Variants in AKAP8L observed in about 807,000 individuals in gnomAD.
AKAP8L encodes the protein A-kinase anchor protein 8-like.
Under a neutral mutation model 77.5 loss-of-function variants are expected in AKAP8L, and 34 were observed. The observed-to-expected ratio is 0.44, with a 90% CI of 0.33 to 0.58. The LOEUF (loss-of-function observed/expected upper bound fraction) is 0.58. Among genes scored for constraint, AKAP8L ranks in the 20% least tolerant of loss-of-function variants. AKAP8L has a pLI of 0.02. For missense variants in AKAP8L, 806 were observed against 887.6 expected (o/e 0.91, Z 1.17); for synonymous variants, 342 against 340.7 (o/e 1.00, Z -0.04).
At chr19:15,390,542 G>C (rs1967639484) in intron 12 of AKAP8L, among the ~76,000 whole-genome samples, 1 of 151,572 alleles carries the variant, frequency 6.6e-6, no homozygotes, top group Admixed American at 6.6e-5. Flanking sequence ...ACTCTTCCAA[G>C]AAACCAGAAA....
In AKAP8L at chr19:15,403,808, T is replaced by C; in HGVS notation, c.122-93A>G. ...GACAAACACAGATACAAGGGTATCT[T>C]CTGTCACAGAGAGAGAAGACCCTAG... On this transcript the variant is annotated intron_variant, in intron 3 of 13. Transcript: ENST00000397410. This position sits in a 1 kb window ranked among gnomAD's most constrained non-coding sequence, Gnocchi z 4.3. The C allele has an allele frequency of 8.6e-7, 1 of 1,161,366 alleles. No individual in the cohort carries two copies. The allele number at this position is 1,161,366 out of a possible 1,614,324, so 71.9% of individuals were successfully genotyped here.
intron 12 of AKAP8L, among the ~76,000 whole-genome samples, chr19:15,387,980 A>AG (rs914244568): frequency 6.9e-6 from 1 of 143,946 alleles, no homozygotes; most frequent in Non-Finnish European, 1.5e-5. Flanking sequence ...CGGGGAGGGG[A>AG]GGGGAAAAAA....
chr19:15,411,718 A>C (rs894665554), intron 1 of AKAP8L, among the ~76,000 whole-genome samples: 2 of 152,144 alleles, frequency 1.3e-5, no homozygotes, highest in African/African-American at 4.8e-5. Flanking sequence ...TATATACATA[A>C]AATTTCCTAT....
At chr19:15,382,532 T>C (rs1967441176) in intron 12 of AKAP8L, among the ~76,000 whole-genome samples, 1 of 152,164 alleles carries the variant, frequency 6.6e-6, no homozygotes, top group Non-Finnish European at 1.5e-5. Flanking sequence ...ACAGATTGAG[T>C]ATCCCTTATT....
intron 1 of AKAP8L, among the ~76,000 whole-genome samples, chr19:15,415,669 A>T (rs138518449): frequency 2.6e-5 from 4 of 152,098 alleles, no homozygotes; most frequent in South Asian, 2.1e-4. Flanking sequence ...GGCGGATCAC[A>T]AGGTCAGGAG....
chr19:15,400,158 G>T, intron 8 of AKAP8L, 137 bp downstream of exon 8: 1 of 847,482 alleles, frequency 1.2e-6, no homozygotes, highest in Non-Finnish European at 1.9e-6. Context: ...AAAGCCCCCT[G>T]CCAGCACACA....
chr19:15,380,473 G>C, intron 13 of AKAP8L, 43 bp from the exon 14 acceptor site: 7 of 1,612,876 alleles, frequency 4.3e-6, no homozygotes, highest in Non-Finnish European at 5.9e-6. Flanking sequence ...GAGCACAGGC[G>C]GGGACTAAGC....
intron 4 of AKAP8L, among the ~76,000 whole-genome samples, chr19:15,402,479 C>T (rs1967919413): frequency 6.6e-6 from 1 of 152,200 alleles, no homozygotes; most frequent in Non-Finnish European, 1.5e-5. Flanking sequence ...ACCCCGATCC[C>T]AGGCTCCAGG....
At chr19:15,383,548 G>A (rs1020437697) in intron 12 of AKAP8L, 1 of 152,174 alleles carries the variant, frequency 6.6e-6, no homozygotes, top group Non-Finnish European at 1.5e-5. Flanking sequence ...CTGGCCCTAA[G>A]GTTTCAGATA....
chr19:15,403,327 A>C lies in AKAP8L; in HGVS notation c.362+148T>G. The C allele has an allele frequency of 1.4e-6, 1 of 705,246 alleles. No homozygotes were observed. The highest frequency in any genetic ancestry group is 2.4e-6 in the Non-Finnish European group (1 of 412,222). 43.7% of individuals were successfully genotyped at this position (705,246 alleles called of 1,614,324 possible). On this transcript the variant is annotated intron_variant, in intron 4 of 13. Transcript: ENST00000397410. The surrounding 1 kb of genome is among the most constrained non-coding windows in gnomAD (Gnocchi z 4.3). ...GAGGAGACACAAGTCAGAGACGGGA[A>C]GTGCAACGGACCCTGCTGGGAGCCA...
chr19:15,399,456 C>G lies in AKAP8L; in HGVS notation c.1049-46G>C. ...TGTCACCAATTTGGCTCTGCCAGGA[C>G]AGGGCAGGCCCTGCGGCCTCTGGCT... On this transcript the variant is annotated intron_variant, in intron 8 of 13. Transcript: ENST00000397410. This position sits in a 1 kb window ranked among gnomAD's most constrained non-coding sequence, Gnocchi z 6.1. 6.9e-7 allele frequency: 1 copy of G among 1,448,600 alleles called. No homozygotes were observed. Among genetic ancestry groups the G allele is most frequent in the Non-Finnish European group, 9.7e-7 (1 of 1,030,056 alleles). The allele number at this position is 1,448,600 out of a possible 1,614,324, so 89.7% of individuals were successfully genotyped here.
At chr19:15,418,588 C>T (rs891534194) in intron 1 of AKAP8L, among the ~76,000 whole-genome samples, 1 of 152,172 alleles carries the variant, frequency 6.6e-6, no homozygotes, top group Non-Finnish European at 1.5e-5. Flanking sequence ...AAACCTAAGG[C>T]GTCGAGGTCC....
rs879017072 is a variant in AKAP8L, at chr19:15,399,181, G to A, written c.1157+121C>T. ...CGGGAAGCAGGGTCCATGCACGGCC[G>A]AGCAGGTGGCGGCTCCCAAGGGAGG... is the stretch of plus-strand genomic sequence containing the variant. On this transcript the variant is annotated intron_variant, in intron 9 of 13. Transcript: ENST00000397410. The surrounding 1 kb of genome is among the most constrained non-coding windows in gnomAD (Gnocchi z 6.1). The A allele has an allele frequency of 1.1e-5, 9 of 850,028 alleles. No individual in the cohort carries two copies. Among genetic ancestry groups the A allele is most frequent in the African/African-American group, 3.3e-5 (2 of 60,330 alleles). 52.7% of individuals were successfully genotyped at this position (850,028 alleles called of 1,614,324 possible). A position where few individuals can be genotyped will look rare whatever the true frequency, so the allele number is the denominator to read the frequency against.
chr19:15,401,199 A>G lies in AKAP8L; in HGVS notation c.767T>C (p.Met256Thr). The change falls in exon 5 of 14, where the codon ATG becomes ACG. Residue 256 changes from methionine to threonine, a missense_variant. Met to Thr is a moderately conservative substitution (Grantham distance 81, BLOSUM62 -1). Coordinates refer to ENST00000397410, the MANE Select transcript of AKAP8L (RefSeq NM_014371.4). This position sits in a 1 kb window ranked among gnomAD's most constrained non-coding sequence, Gnocchi z 6.2. ...CTTCCAGGTCCGCCTCATCTGCTTC[A>G]TGCCATTGCCAAACCCGAAACCAAA... ...SRFGFGFGNGMKQMRRTWKTW... is the reference protein window; with the variant it reads ...SRFGFGFGNGTKQMRRTWKTW... 1 of 1,611,958 alleles carries G rather than the reference A, an allele frequency of 6.2e-7. No individual in the cohort carries two copies. The highest frequency in any genetic ancestry group is 8.5e-7 in the Non-Finnish European group (1 of 1,179,120).
chr19:15,401,470 C>T lies in AKAP8L; in HGVS notation c.496G>A (p.Asp166Asn), dbSNP rs201791413. Residue 166 changes from aspartate (D) to asparagine (N), a missense_variant, in exon 5 of 14, where the codon GAC (aspartate) becomes AAC (asparagine). By Grantham distance (23) the Asp-to-Asn change is conservative. Transcript: ENST00000397410. The surrounding 1 kb of genome is among the most constrained non-coding windows in gnomAD (Gnocchi z 6.2). ...AYEGQYDAYR[D>N]QFRMRGNDTF... ...TCGTTGCCACGCATGCGGAACTGGTCGCGGTAGGCATCGTATTGGCCCTCA... is the reference window on the plus strand; with the variant it reads ...TCGTTGCCACGCATGCGGAACTGGTTGCGGTAGGCATCGTATTGGCCCTCA... 48 of 1,613,674 alleles carry T rather than the reference C, an allele frequency of 3.0e-5. No individual in the cohort carries two copies. In the African/African-American group the frequency reaches 4.5e-4, roughly 15 times the overall value.
chr19:15,414,772 G>C (rs913698411), intron 1 of AKAP8L, among the ~76,000 whole-genome samples: 1 of 152,132 alleles, frequency 6.6e-6, no homozygotes, highest in Non-Finnish European at 1.5e-5. Context: ...ACAGGCGTGA[G>C]CCACCACGCC....
At position 15,400,882 on chromosome 19, in the gene AKAP8L, G is replaced by A; in HGVS notation, c.914-18C>T. 6.2e-7 allele frequency: 1 copy of A among 1,613,986 alleles called. No individual in the cohort carries two copies. The highest frequency in any genetic ancestry group is 1.3e-5 in the African/African-American group (1 of 75,066). Reference sequence around the variant, plus strand: ...GCCCTCATCTGAAAGGGAAAAGGAGGTAAGCTCAACCCAGGAGTTCCCAGA... The same window carrying A: ...GCCCTCATCTGAAAGGGAAAAGGAGATAAGCTCAACCCAGGAGTTCCCAGA... On this transcript the variant is annotated intron_variant, in intron 6 of 13. Coordinates refer to ENST00000397410, the MANE Select transcript of AKAP8L (RefSeq NM_014371.4).
Position 15,397,334 on chromosome 19 carries a change from A to G in AKAP8L, c.1406-54T>C. ...GGGCCCAGGTGCCTAAGATAGACCCAGGTGTTCGAGAAAAAAACCACACCA... is the reference window on the plus strand; with the variant it reads ...GGGCCCAGGTGCCTAAGATAGACCCGGGTGTTCGAGAAAAAAACCACACCA... On this transcript the variant is annotated intron_variant, in intron 11 of 13. Coordinates refer to ENST00000397410, the MANE Select transcript of AKAP8L (RefSeq NM_014371.4). The surrounding 1 kb of genome is among the most constrained non-coding windows in gnomAD (Gnocchi z 4.7). The G allele has an allele frequency of 6.2e-7, 1 of 1,602,140 alleles. No homozygotes were observed. Among genetic ancestry groups the G allele is most frequent in the Non-Finnish European group, 8.5e-7 (1 of 1,171,794 alleles).
chr19:15,408,062 A>G (rs1362842128), intron 2 of AKAP8L, among the ~76,000 whole-genome samples: 1 of 152,236 alleles, frequency 6.6e-6, no homozygotes, highest in African/African-American at 2.4e-5. Context: ...TGGGAGGCCG[A>G]GGCAGGTGGA....
Sources: allele counts gnomAD v4.1 joint callset (sites outside exome capture counted in the v4.1 genomes callset), GRCh38; gene constraint gnomAD v4.1.1; non-coding constraint Gnocchi (gnomAD v3.1); transcripts MANE v1.5; gene names NCBI Gene and HGNC (gene_info 2026-07-23, HGNC 2026-07-21).